Variants in KDM4C observed in about 807,000 individuals in gnomAD.
KDM4C encodes the protein lysine demethylase 4C.
KDM4C carries 81 observed loss-of-function variants against 129.3 expected under a neutral mutation model. The ratio of observed to expected loss-of-function variants is 0.63; its 90% CI spans 0.52 to 0.75. The LOEUF is 0.75. Ranked by LOEUF, KDM4C falls within the 30% of genes least tolerant of loss-of-function variation. The probability of loss-of-function intolerance (pLI) is 0.00; values close to 1 mark genes in which losing one functional copy is unlikely to be tolerated. For missense variants in KDM4C, 1,457 were observed against 1,304.0 expected, an observed-to-expected ratio of 1.12 and a Z score of -1.81; for synonymous variants, 573 against 456.1, an observed-to-expected ratio of 1.26 and a Z score of -3.26.
At chr9:6,863,894 C>G (rs1375379539) in intron 5 of KDM4C, among the ~76,000 whole-genome samples, 1 of 152,016 alleles carries the variant, frequency 6.6e-6, no homozygotes, top group Admixed American at 6.5e-5. Flanking sequence ...CACCCATTAC[C>G]GTGAAGATGG....
chr9:7,057,158 G>A (rs187456598), intron 17 of KDM4C, among the ~76,000 whole-genome samples: 343 of 152,222 alleles, frequency 2.3e-3, no homozygotes, highest in African/African-American at 7.7e-3. Flanking sequence ...CCTCAGAAGG[G>A]TGGGTTTTAA....
intron 15 of KDM4C, among the ~76,000 whole-genome samples, chr9:7,025,633 A>C (rs1825684472): frequency 6.6e-6 from 1 of 152,068 alleles, no homozygotes; most frequent in Non-Finnish European, 1.5e-5. Context: ...ACAGAGGCAA[A>C]AAGAAAACCA....
chr9:6,977,002 A>T (rs2821445), intron 8 of KDM4C, among the ~76,000 whole-genome samples: 23,651 of 152,074 alleles, frequency 0.16, 2,006 homozygotes, highest in Admixed American at 0.21. Flanking sequence ...TTGAGACTGG[A>T]TTATGAGATT....
chr9:6,865,778 TCTCG>T (rs1348386628), intron 5 of KDM4C, among the ~76,000 whole-genome samples: 1 of 151,382 alleles, frequency 6.6e-6, no homozygotes, highest in East Asian at 1.9e-4. Context: ...TGCGACGGAG[TCTCG>T]CTCTGTCGCC....
At chr9:6,957,885 G>A (rs887709097) in intron 8 of KDM4C, among the ~76,000 whole-genome samples, 2 of 152,064 alleles carry the variant, frequency 1.3e-5, no homozygotes, top group African/African-American at 2.4e-5. Flanking sequence ...AACACAATTC[G>A]AGTACATATA....
intron 8 of KDM4C, among the ~76,000 whole-genome samples, chr9:6,957,321 A>G (rs943615062): frequency 6.6e-6 from 1 of 152,046 alleles, no homozygotes; most frequent in Non-Finnish European, 1.5e-5. Context: ...CACTAACCCT[A>G]CCATCTATTT....
intron 4 of KDM4C, among the ~76,000 whole-genome samples, chr9:6,841,565 A>T (rs967488680): frequency 1.2e-4 from 19 of 152,302 alleles, no homozygotes; most frequent in East Asian, 1.9e-4. Flanking sequence ...CTCTGCTTTT[A>T]TGTACAACAA....
intron 15 of KDM4C, among the ~76,000 whole-genome samples, chr9:7,046,286 C>T (rs943971526): frequency 6.6e-6 from 1 of 151,916 alleles, no homozygotes; most frequent in Non-Finnish European, 1.5e-5. Context: ...GCTGTTTTCT[C>T]GGGCCGGATA....
intron 3 of KDM4C, among the ~76,000 whole-genome samples, chr9:6,812,963 G>C (rs1197710202): frequency 6.6e-6 from 1 of 152,176 alleles, no homozygotes; most frequent in South Asian, 2.1e-4. Flanking sequence ...ATCACCTGAG[G>C]TCGGGAGTTC....
intron 1 of KDM4C, among the ~76,000 whole-genome samples, chr9:6,779,831 C>T (rs931197114): frequency 6.6e-6 from 1 of 152,192 alleles, no homozygotes; most frequent in Non-Finnish European, 1.5e-5. Context: ...AGATGTGCAT[C>T]ACATGGAGGT....
At chr9:6,847,226 A>G (rs2130033493) in intron 4 of KDM4C, among the ~76,000 whole-genome samples, 1 of 152,312 alleles carries the variant, frequency 6.6e-6, no homozygotes, top group Admixed American at 6.5e-5. Context: ...CTTCAGATTC[A>G]TTGCTTCACT....
At chr9:7,059,093 T>G (rs1831261183) in intron 17 of KDM4C, among the ~76,000 whole-genome samples, 1 of 152,166 alleles carries the variant, frequency 6.6e-6, no homozygotes, top group Non-Finnish European at 1.5e-5. Flanking sequence ...CTTTGATATT[T>G]TGTAATAAAA....
chr9:6,847,642 G>A (rs917403408), intron 4 of KDM4C, among the ~76,000 whole-genome samples: 1 of 152,078 alleles, frequency 6.6e-6, no homozygotes, highest in African/African-American at 2.4e-5. Context: ...CACCCGCCTC[G>A]GCCTCCCAAA....
chr9:7,101,301 T>C (rs544271252), intron 17 of KDM4C, among the ~76,000 whole-genome samples: 1 of 152,328 alleles, frequency 6.6e-6, no homozygotes, highest in East Asian at 1.9e-4. Context: ...CCCAGGTATC[T>C]TTAGGCATCA....
intron 15 of KDM4C, among the ~76,000 whole-genome samples, chr9:7,036,975 T>A (rs889577749): frequency 3.3e-5 from 5 of 152,218 alleles, no homozygotes; most frequent in Admixed American, 1.3e-4. Context: ...TAAAAGGTAC[T>A]GCAGGACACT....
At chr9:6,794,283 C>G (rs1054456262) in intron 2 of KDM4C, among the ~76,000 whole-genome samples, 4 of 152,176 alleles carry the variant, frequency 2.6e-5, no homozygotes, top group African/African-American at 9.7e-5. Context: ...CATTTAAGCA[C>G]AGATCCAAAG....
At chr9:6,929,591 A>G (rs1446081312) in intron 8 of KDM4C, among the ~76,000 whole-genome samples, 1 of 151,070 alleles carries the variant, frequency 6.6e-6, no homozygotes, top group Non-Finnish European at 1.5e-5. Context: ...ACTCTTCCCC[A>G]GTCACTGGTC....
intron 1 of KDM4C, among the ~76,000 whole-genome samples, chr9:6,741,903 C>G (rs1458511094): frequency 6.6e-6 from 1 of 151,352 alleles, no homozygotes; most frequent in Non-Finnish European, 1.5e-5. Flanking sequence ...CACACACACA[C>G]ACACACAAAT....
chr9:7,055,055 G>A (rs2132622067), intron 17 of KDM4C, among the ~76,000 whole-genome samples: 1 of 152,232 alleles, frequency 6.6e-6, no homozygotes, highest in South Asian at 2.1e-4. Context: ...GTGCATGCTT[G>A]TAGTACCAGC....
Sources: gnomAD v4.1 joint callset for allele counts (sites outside exome capture counted in the v4.1 genomes callset) on GRCh38, gnomAD v4.1.1 for gene constraint, MANE v1.5 for transcripts, NCBI Gene and HGNC (gene_info 2026-07-23, HGNC 2026-07-21) for gene names.